Variants in ABI3BP observed in about 807,000 individuals in gnomAD.
The protein encoded by ABI3BP is target of Nesh-SH3.
Under a neutral mutation model 268.6 loss-of-function variants are expected in ABI3BP, and 216 were observed. The observed-to-expected ratio is 0.80, with a 90% confidence interval of 0.72 to 0.90. The LOEUF (loss-of-function observed/expected upper bound fraction) is 0.90, where lower values mean the gene tolerates loss of function less well. ABI3BP is among the 40% of genes least tolerant of loss of function. ABI3BP has a pLI of 0.00. For missense variants in ABI3BP, 2,090 were observed against 2,182.4 expected (o/e 0.96, Z 0.84); for synonymous variants, 730 against 730.0 (o/e 1.00, Z 0.00).
At chr3:100,799,794 G>T (rs1262574010) in intron 51 of ABI3BP, among the ~76,000 whole-genome samples, 1 of 152,036 alleles carries the variant, frequency 6.6e-6, no homozygotes, top group Non-Finnish European at 1.5e-5. Flanking sequence ...TCTCCTCTAT[G>T]ATATTATCCA....
intron 1 of ABI3BP, 67 bp from the exon 2 acceptor site, chr3:100,926,548 A>C: frequency 6.9e-7 from 1 of 1,457,110 alleles, no homozygotes; most frequent in Non-Finnish European, 9.5e-7. Flanking sequence ...CCAACTTCCC[A>C]GCAAGTGTTG....
At chr3:100,906,965 C>A (rs2053693262) in intron 2 of ABI3BP, among the ~76,000 whole-genome samples, 1 of 152,138 alleles carries the variant, frequency 6.6e-6, no homozygotes, top group African/African-American at 2.4e-5. Context: ...ATGAAATAAA[C>A]CAAGATAATC....
At chr3:100,945,573 G>T in intron 1 of ABI3BP, 1 of 418,654 alleles carries the variant, frequency 2.4e-6, no homozygotes, top group Non-Finnish European at 4.7e-6. Flanking sequence ...AATATAAATG[G>T]ACTTACATGA....
At chr3:100,936,124 A>G (rs2066012214) in intron 1 of ABI3BP, among the ~76,000 whole-genome samples, 1 of 152,144 alleles carries the variant, frequency 6.6e-6, no homozygotes, top group Non-Finnish European at 1.5e-5. Context: ...TGTCATAAAT[A>G]GTTCTTATTA....
At chr3:100,967,460 C>T (rs1195585655) in intron 1 of ABI3BP, among the ~76,000 whole-genome samples, 3 of 148,250 alleles carry the variant, frequency 2.0e-5, no homozygotes, top group South Asian at 2.1e-4. Context: ...GCTGAGGTAG[C>T]GCCGCTGCAC....
intron 8 of ABI3BP, 129 bp downstream of exon 8, chr3:100,875,379 A>G (rs2099151129): frequency 2.8e-6 from 2 of 708,748 alleles, no homozygotes; most frequent in Non-Finnish European, 4.9e-6. Flanking sequence ...CCAGGATGCT[A>G]AACAGTGAAA....
chr3:100,797,012 T>A (rs373963912), intron 51 of ABI3BP, among the ~76,000 whole-genome samples: 3 of 152,206 alleles, frequency 2.0e-5, no homozygotes, highest in African/African-American at 7.2e-5. Context: ...AATCAGCTAG[T>A]CATTAGAAGA....
At chr3:100,919,468 G>A (rs890189889) in intron 2 of ABI3BP, among the ~76,000 whole-genome samples, 5 of 151,932 alleles carry the variant, frequency 3.3e-5, no homozygotes, top group Non-Finnish European at 5.9e-5. Context: ...AAAGATTAAG[G>A]GTAAACCTTG....
intron 1 of ABI3BP, among the ~76,000 whole-genome samples, chr3:100,957,492 G>A (rs1461435383): frequency 2.0e-5 from 3 of 152,114 alleles, no homozygotes; most frequent in African/African-American, 4.8e-5. Flanking sequence ...GAGTGGTCAG[G>A]GCTAGAGATA....
intron 9 of ABI3BP, among the ~76,000 whole-genome samples, chr3:100,869,527 T>C (rs2099090229): frequency 6.6e-6 from 1 of 151,746 alleles, no homozygotes; most frequent in South Asian, 2.1e-4. Context: ...TTATTACTAA[T>C]ATTATTTTGC....
At chr3:100,928,064 C>A (rs1054291919) in intron 1 of ABI3BP, among the ~76,000 whole-genome samples, 18 of 149,730 alleles carry the variant, frequency 1.2e-4, no homozygotes, top group African/African-American at 4.4e-4. Context: ...TCATGTGTTT[C>A]ATTGAAGAAA....
At chr3:100,907,138 C>G (rs966813908) in intron 2 of ABI3BP, among the ~76,000 whole-genome samples, 1 of 152,168 alleles carries the variant, frequency 6.6e-6, no homozygotes, top group African/African-American at 2.4e-5. Context: ...CTCTGTGTAC[C>G]TCAGTTTCCT....
intron 21 of ABI3BP, among the ~76,000 whole-genome samples, chr3:100,841,220 T>TTTTTTTTTTTTTTTGTTTTTTTG (rs1560681726): frequency 7.5e-5 from 9 of 119,588 alleles, no homozygotes; most frequent in African/African-American, 1.9e-4. Flanking sequence ...TTTTTTTTTT[T>TTTTTTTTTTTTTTTGTTTTTTTG]TTTTTTTGCT....
At chr3:100,813,377 A>C (rs896849331) in intron 45 of ABI3BP, among the ~76,000 whole-genome samples, 9 of 152,204 alleles carry the variant, frequency 5.9e-5, no homozygotes, top group Middle Eastern at 3.2e-3. Context: ...GATAAATAAT[A>C]AAATCAGTTC....
chr3:100,825,895 T>C (rs934305207), intron 34 of ABI3BP, 51 bp from the exon 35 acceptor site: 22 of 1,312,164 alleles, frequency 1.7e-5, no homozygotes, highest in African/African-American at 1.0e-4. Flanking sequence ...GTGGGAGCTA[T>C]AGTATTCACA....
intron 51 of ABI3BP, among the ~76,000 whole-genome samples, chr3:100,797,729 C>T (rs944659449): frequency 6.6e-6 from 1 of 151,896 alleles, no homozygotes; most frequent in East Asian, 1.9e-4. Flanking sequence ...AGTGAAATTA[C>T]AATTGTGAAA....
chr3:100,860,194 C>T lies in ABI3BP; in HGVS notation c.1285+2117G>A, dbSNP rs148282562. On this transcript the variant is annotated intron_variant, in intron 14 of 67. Coordinates refer to ENST00000471714, the MANE Select transcript of ABI3BP (RefSeq NM_001375547.2). ...AAGTTCTGCCTTTTCAACAAGTTCC[C>T]GGGTGATGCCAAATGCTATTGGACT... Among the ~76,000 whole-genome samples, 351 of 152,246 alleles carry T rather than the reference C, an allele frequency of 2.3e-3. 11 individuals are homozygous for T. The East Asian group carries it at 0.058, about 25-fold the overall frequency.
chr3:100,797,065 T>G (rs1469458142), intron 51 of ABI3BP, among the ~76,000 whole-genome samples: 1 of 152,088 alleles, frequency 6.6e-6, no homozygotes, highest in African/African-American at 2.4e-5. Flanking sequence ...ACTTAGTAAA[T>G]GATAGCTGTT....
At chr3:100,896,460 C>T (rs547694450) in intron 4 of ABI3BP, among the ~76,000 whole-genome samples, 32 of 152,168 alleles carry the variant, frequency 2.1e-4, no homozygotes, top group Middle Eastern at 3.4e-3. Context: ...GGCTTGAGAG[C>T]GGGAGGAAGA....
Sources: gnomAD v4.1 joint callset for allele counts (sites outside exome capture counted in the v4.1 genomes callset) on GRCh38, gnomAD v4.1.1 for gene constraint, MANE v1.5 for transcripts, NCBI Gene and HGNC (gene_info 2026-07-23, HGNC 2026-07-21) for gene names.